The following RUFY1 variants were observed in gnomAD, a reference collection of about 807,000 sequenced individuals.
RUFY1 encodes the protein RUN and FYVE domain containing 1, also known as RUN and FYVE domain-containing protein 1.
In RUFY1, 54 loss-of-function variants were observed where a neutral mutation model predicts 94.6. That is an observed-to-expected ratio of 0.57 (90% confidence interval 0.46 to 0.72). The LOEUF (loss-of-function observed/expected upper bound fraction) is 0.72, where lower values mean the gene tolerates loss of function less well. RUFY1 is among the 30% of genes least tolerant of loss of function. The probability of loss-of-function intolerance (pLI) is 0.00; values close to 1 mark genes in which losing one functional copy is unlikely to be tolerated. For missense variants in RUFY1, 883 were observed against 883.9 expected (o/e 1.00, Z 0.01); for synonymous variants, 396 against 347.3 (o/e 1.14, Z -1.56).
intron 1 of RUFY1, among the ~76,000 whole-genome samples, chr5:179,558,893 A>C (rs1762241876): frequency 6.6e-6 from 1 of 152,250 alleles, no homozygotes; most frequent in Non-Finnish European, 1.5e-5. Flanking sequence ...AAAACAGGTA[A>C]AGGATTAGTA....
At position 179,550,644 on chromosome 5, in the gene RUFY1, G is replaced by T. The variant is rs751572188; in HGVS notation, c.75G>T (p.Gly25=). Reference sequence around the variant, plus strand: ...AGCCGGAGCTGGAGCCGGGGCCGGGGCCCGGGTCAGCGCTTGAGCCGGGAG... The same window carrying T: ...AGCCGGAGCTGGAGCCGGGGCCGGGTCCCGGGTCAGCGCTTGAGCCGGGAG... The part of the protein sequence containing the change: ...ELEPELEPGP[G]PGSALEPGEE... The change falls in exon 1 of 18, where the codon GGG becomes GGT. Residue 25 remains glycine (G), a synonymous_variant. Transcript: ENST00000319449. The T allele has an allele frequency of 3.5e-6, 5 of 1,426,398 alleles. No individual in the cohort carries two copies. The highest frequency in any genetic ancestry group is 3.6e-6 in the Non-Finnish European group (4 of 1,097,920). The allele number at this position is 1,426,398 out of a possible 1,614,324, so 88.4% of individuals were successfully genotyped here.
intron 1 of RUFY1, among the ~76,000 whole-genome samples, chr5:179,551,660 T>A (rs1196928174): frequency 7.1e-6 from 1 of 140,462 alleles, no homozygotes; most frequent in African/African-American, 2.7e-5. Flanking sequence ...CACGCTCGGC[T>A]AAGTTCCCCG....
chr5:179,578,209 G>GTTTGT (rs1326996978), intron 6 of RUFY1, among the ~76,000 whole-genome samples: 22 of 152,162 alleles, frequency 1.4e-4, no homozygotes, highest in South Asian at 2.1e-4. Flanking sequence ...AGATTTGTTT[G>GTTTGT]TTTGTTTTGT....
chr5:179,585,725 A>T (rs1177713886), intron 7 of RUFY1, 71 bp from the exon 8 acceptor site: 1 of 1,124,018 alleles, frequency 8.9e-7, no homozygotes, highest in Non-Finnish European at 1.3e-6. Context: ...AATCTCTCTT[A>T]CTGTTTACAG....
chr5:179,589,553 C>T lies in RUFY1; in HGVS notation c.1034C>T (p.Ala345Val). The T allele has an allele frequency of 6.2e-7, 1 of 1,613,416 alleles. No individual in the cohort carries two copies. The highest frequency in any genetic ancestry group is 8.5e-7 in the Non-Finnish European group (1 of 1,179,354). Residue 345 changes from alanine (A) to valine (V), a missense_variant, in exon 9 of 18, where the codon GCT becomes GTT. By Grantham distance (64) the Ala-to-Val change is moderately conservative. Transcript: ENST00000319449. ...AAAATTTTCCTTAATCAGCTTTCAG[C>T]TGCAACAGACCGAATTTGCTCACTT... is the stretch of plus-strand genomic sequence containing the variant. Reference protein sequence around the residue: ...TNSKLQEELSAATDRICSLQE... With the variant: ...TNSKLQEELSVATDRICSLQE...
intron 6 of RUFY1, among the ~76,000 whole-genome samples, chr5:179,577,550 CTAGCGG>C (rs958271491): frequency 2.1e-5 from 3 of 145,544 alleles, no homozygotes; most frequent in Admixed American, 6.9e-5. Context: ...TTGCCGAAGA[CTAGCGG>C]AGGCTCCGAG....
chr5:179,559,822 G>A lies in RUFY1; in HGVS notation c.311-203G>A, dbSNP rs546478212. 104 of 1,334,990 alleles carry A rather than the reference G, an allele frequency of 7.8e-5. No homozygotes were observed. The South Asian group carries it at 1.9e-3, about 24-fold the overall frequency. 82.7% of individuals were successfully genotyped at this position (1,334,990 alleles called of 1,614,324 possible). A position where few individuals can be genotyped will look rare whatever the true frequency, so the allele number is the denominator to read the frequency against. ...GGCCCAGTGGCTCTTCTGACCCAAG[G>A]CCCCGCCGTCCAGGTAGGGGGCTGT... On this transcript the variant is annotated intron_variant, in intron 1 of 17. Coordinates refer to ENST00000319449, the MANE Select transcript of RUFY1 (RefSeq NM_025158.5).
At chr5:179,592,094 G>A (rs567115169) in intron 10 of RUFY1, among the ~76,000 whole-genome samples, 16 of 151,814 alleles carry the variant, frequency 1.1e-4, no homozygotes, top group Admixed American at 2.0e-4. Flanking sequence ...GCAGGCACCC[G>A]CCACCACACC....
At position 179,598,724 on chromosome 5, in the gene RUFY1, AAG is replaced by A; in HGVS notation, c.1667_1668del (p.Glu556AlafsTer87). On this transcript the variant is annotated frameshift_variant, in exon 14 of 18. Transcript: ENST00000319449. LOFTEE classifies it high-confidence loss of function. ...CTGGAGAAAGAATTGAAATCAGAAA[AAG>A]AGCAAAGACAGGCTCTTCAGCGCGA... 1.2e-6 allele frequency: 2 copies of A among 1,614,202 alleles called. No individual in the cohort carries two copies. The highest frequency in any genetic ancestry group is 1.7e-6 in the Non-Finnish European group (2 of 1,180,030).
At position 179,593,641 on chromosome 5, in the gene RUFY1, C is replaced by T. The variant is rs953008096; in HGVS notation, c.1409C>T (p.Ala470Val). The change falls in exon 11 of 18, where the codon GCT becomes GTT. Residue 470 changes from alanine (A) to valine (V), a missense_variant. Ala to Val is a moderately conservative substitution (Grantham distance 64). Coordinates refer to ENST00000319449, the MANE Select transcript of RUFY1 (RefSeq NM_025158.5). ...ATTAATTTACAGATGTTTCACAAAG[C>T]TCAGGTGGGAGTTGGCTTTGTGTCC... ...KAINLQMFHK[A>V]QNAESSLQQK... 3 of 1,613,390 alleles carry T rather than the reference C, an allele frequency of 1.9e-6. No individual in the cohort carries two copies. The highest frequency in any genetic ancestry group is 2.5e-6 in the Non-Finnish European group (3 of 1,179,560).
rs1265997141 is a variant in RUFY1, at chr5:179,559,667, TG to T, written c.311-357del. 6 of 1,026,434 alleles carry T rather than the reference TG, an allele frequency of 5.8e-6. No individual in the cohort carries two copies. In the African/African-American group the frequency reaches 1.0e-4, roughly 18 times the overall value. 63.6% of individuals were successfully genotyped at this position (1,026,434 alleles called of 1,614,324 possible). On this transcript the variant is annotated intron_variant, in intron 1 of 17. Coordinates refer to ENST00000319449, the MANE Select transcript of RUFY1 (RefSeq NM_025158.5). ...TCTAAGAGCTTGGGGCAGGGCTTCC[TG>T]TAGGTAGCGCCCTTCCATTGGTCAA... is the stretch of plus-strand genomic sequence containing the variant.
At chr5:179,602,214 C>T (rs1007936043) in intron 15 of RUFY1, 7 of 534,534 alleles carry the variant, frequency 1.3e-5, no homozygotes, top group African/African-American at 7.6e-5. Context: ...TCAGGAAGCA[C>T]GTTCATTCCT....
chr5:179,598,881 G>T, intron 14 of RUFY1, 60 bp downstream of exon 14: 1 of 1,590,514 alleles, frequency 6.3e-7, no homozygotes, highest in Non-Finnish European at 8.5e-7. Flanking sequence ...CCCCTAACAT[G>T]CTCCGGGCAG....
At position 179,594,979 on chromosome 5, in the gene RUFY1, T is replaced by C. The variant is rs765831108; in HGVS notation, c.1511+16T>C. ...TGGAAGAAAGGTAATCACTTCCCCC[T>C]GGCAGATATTCTCGGGAAGGCTCTG... On this transcript the variant is annotated intron_variant, in intron 12 of 17. Transcript: ENST00000319449. The C allele has an allele frequency of 3.9e-6, 6 of 1,553,846 alleles. No individual in the cohort carries two copies. Among genetic ancestry groups the C allele is most frequent in the Non-Finnish European group, 5.3e-6 (6 of 1,126,490 alleles).
At chr5:179,587,559 ATT>A (rs34633958) in intron 8 of RUFY1, among the ~76,000 whole-genome samples, 29,410 of 108,214 alleles carry the variant, frequency 0.27, 4,364 homozygotes, top group Non-Finnish European at 0.36. Flanking sequence ...GCCCGGCTAA[ATT>A]TTTTTTTTTT....
rs772929671 is a variant in RUFY1 at position 179,591,685 on chromosome 5, GATGAA to G, written c.1193_1197del (p.Glu398ValfsTer3). The G allele has an allele frequency of 1.2e-6, 2 of 1,613,576 alleles. No homozygotes were observed. The highest frequency in any genetic ancestry group is 3.3e-5 in the Admixed American group (2 of 59,810). On this transcript the variant is annotated frameshift_variant, in exon 10 of 18. Coordinates refer to ENST00000319449, the MANE Select transcript of RUFY1 (RefSeq NM_025158.5). LOFTEE classifies it high-confidence loss of function. ...TTACAAGCAAACTCGGCAAGGTCTG[GATGAA>G]ATGTACAGTGATGTGTGGAAGCAGC...
intron 2 of RUFY1, among the ~76,000 whole-genome samples, chr5:179,560,517 A>C (rs888595340): frequency 2.6e-5 from 4 of 151,404 alleles, no homozygotes; most frequent in Non-Finnish European, 5.9e-5. Flanking sequence ...CAGGATATCG[A>C]GACCATCCTG....
intron 8 of RUFY1, chr5:179,586,243 T>A: frequency 2.2e-6 from 1 of 446,102 alleles, no homozygotes; most frequent in Non-Finnish European, 4.5e-6. Context: ...TCATAAGGAA[T>A]AAGTATCCAG....
At chr5:179,561,678 CTT>C (rs71001004) in intron 2 of RUFY1, among the ~76,000 whole-genome samples, 36 of 64,604 alleles carry the variant, frequency 5.6e-4, no homozygotes, top group Non-Finnish European at 9.0e-4. Context: ...TTTTTTCTTT[CTT>C]TTTTTTTTTT....
Sources: gnomAD v4.1 joint callset for allele counts (sites outside exome capture counted in the v4.1 genomes callset) on GRCh38, gnomAD v4.1.1 for gene constraint, MANE v1.5 for transcripts, NCBI Gene and HGNC (gene_info 2026-07-23, HGNC 2026-07-21) for gene names.